The following IGF1R variants were observed in gnomAD, a reference collection of about 807,000 sequenced individuals.
IGF1R encodes the protein insulin like growth factor 1 receptor, also known as insulin-like growth factor 1 receptor.
IGF1R carries 44 observed loss-of-function variants against 144.6 expected under a neutral mutation model. The observed-to-expected ratio is 0.30, with a 90% CI of 0.24 to 0.39. The LOEUF is 0.39. IGF1R is among the 10% of genes least tolerant of loss of function. The probability of loss-of-function intolerance (pLI) is 1.00; values close to 1 mark genes in which losing one functional copy is unlikely to be tolerated. For synonymous variants in IGF1R, 795 were observed against 722.8 expected (o/e 1.10, Z -1.60); for missense variants, 1,355 against 1,833.7 (o/e 0.74, Z 4.77).
At chr15:98,949,834 G>A (rs1048033885) in intron 20 of IGF1R, among the ~76,000 whole-genome samples, 5 of 152,254 alleles carry the variant, frequency 3.3e-5, no homozygotes, top group South Asian at 4.2e-4. Flanking sequence ...GTCCGTGGAC[G>A]GTGCTGTTTT....
chr15:98,913,789 CCTTTAT>C (rs2015125202), intron 8 of IGF1R, among the ~76,000 whole-genome samples: 1 of 152,174 alleles, frequency 6.6e-6, no homozygotes, highest in Non-Finnish European at 1.5e-5. Context: ...GTTCCTCCTT[CCTTTAT>C]CTTTAGGTTC....
rs552039520 is a variant in IGF1R at position 98,946,051 on chromosome 15, C to T, written c.3588-2523C>T. 2.4e-4 allele frequency among the ~76,000 whole-genome samples: 36 copies of T among 151,984 alleles called. 1 individual carries two copies. In the East Asian group the frequency reaches 6.6e-3, roughly 28 times the overall value. On this transcript the variant is annotated intron_variant, in intron 19 of 20. Transcript: ENST00000650285. ...ATGACGACGATGACAGCGTCGTCGT[C>T]GTCCTGGTCCTGGAAGGATAAAGTC...
intron 1 of IGF1R, among the ~76,000 whole-genome samples, chr15:98,699,191 G>A (rs757308027): frequency 9.2e-5 from 14 of 152,246 alleles, no homozygotes; most frequent in Non-Finnish European, 1.9e-4. Context: ...CCATCCACTG[G>A]CTCTACAGTC....
Position 98,842,755 on chromosome 15 carries a change from G to A in IGF1R, c.641-48570G>A, listed in dbSNP as rs1183470755. On this transcript the variant is annotated intron_variant, in intron 2 of 20. Transcript: ENST00000650285. ...AGAACAATTTTGACAAGAACTCTTAGGATGCAACTTGTAGAGTGATTTTTA... is the reference window on the plus strand; with the variant it reads ...AGAACAATTTTGACAAGAACTCTTAAGATGCAACTTGTAGAGTGATTTTTA... Among the ~76,000 whole-genome samples the A allele has an allele frequency of 5.3e-5, 8 of 152,292 alleles. No homozygotes were observed. The East Asian group carries it at 1.4e-3, about 26-fold the overall frequency.
chr15:98,712,308 C>T (rs1217101193), intron 2 of IGF1R, among the ~76,000 whole-genome samples: 3 of 152,192 alleles, frequency 2.0e-5, no homozygotes, highest in African/African-American at 4.8e-5. Context: ...CAGACCACCA[C>T]GAGCATTTCA....
rs752236741 is a variant in IGF1R, at chr15:98,908,835, G to C, written c.1398G>C (p.Thr466=). Residue 466 remains threonine, a synonymous_variant, in exon 6 of 21, where the codon ACG becomes ACC. Transcript: ENST00000650285. ...AAATTTACCGCATGGAGGAAGTGAC[G>C]GGGACTAAAGGGCGCCAAAGCAAAG... is the stretch of plus-strand genomic sequence containing the variant. ...VSEIYRMEEV[T]GTKGRQSKGD... The C allele has an allele frequency of 6.2e-7, 1 of 1,614,118 alleles. No homozygotes were observed. Among genetic ancestry groups the C allele is most frequent in the Non-Finnish European group, 8.5e-7 (1 of 1,180,008 alleles).
In IGF1R at chr15:98,924,565, A is replaced by G. The variant is rs1567202482; in HGVS notation, c.2663A>G (p.Tyr888Cys). The G allele has an allele frequency of 6.2e-7, 1 of 1,614,138 alleles. No homozygotes were observed. Among genetic ancestry groups the G allele is most frequent in the East Asian group, 2.2e-5 (1 of 44,890 alleles). ...ECVSRQEYRK[Y>C]GGAKLNRLNP... ...GTGTCCAGACAGGAATACAGGAAGT[A>G]TGGAGGGGCCAAGCTAAACCGGCTA... The change falls in exon 13 of 21, where the codon TAT becomes TGT. Residue 888 changes from tyrosine to cysteine, a missense_variant. By Grantham distance (194) the Tyr-to-Cys change is radical. This residue lies in a region of IGF1R where 880 missense variants were observed against 1,202.7 expected (regional missense o/e 0.73). Transcript: ENST00000650285.
rs139086481 is a variant in IGF1R at position 98,793,002 on chromosome 15, A to G, written c.640+84895A>G. On this transcript the variant is annotated intron_variant, in intron 2 of 20. Transcript: ENST00000650285. ...TGGGTTGTTTTTTTTCTTCCTCCTGAAAAGCTCTGGTCTGTCCTCTGCTGA... is the reference window on the plus strand; with the variant it reads ...TGGGTTGTTTTTTTTCTTCCTCCTGGAAAGCTCTGGTCTGTCCTCTGCTGA... 6.5e-3 allele frequency among the ~76,000 whole-genome samples: 991 copies of G among 152,170 alleles called. 13 individuals carry two copies. The highest frequency in any genetic ancestry group is 0.023 in the African/African-American group (942 of 41,508).
Position 98,701,480 on chromosome 15 carries a change from G to T in IGF1R, c.95-6082G>T, listed in dbSNP as rs550769537. 2.0e-5 allele frequency among the ~76,000 whole-genome samples: 3 copies of T among 151,974 alleles called. No individual in the cohort carries two copies. The South Asian group carries it at 6.2e-4, about 32-fold the overall frequency. On this transcript the variant is annotated intron_variant, in intron 1 of 20. Transcript: ENST00000650285. Reference sequence around the variant, plus strand: ...GCCTCCCAAGTAGCTGGGACTACAGGTGCCCGCCACCACACCCGGCTAATT... The same window carrying T: ...GCCTCCCAAGTAGCTGGGACTACAGTTGCCCGCCACCACACCCGGCTAATT...
At chr15:98,769,990 C>G (rs1318628733) in intron 2 of IGF1R, among the ~76,000 whole-genome samples, 2 of 152,114 alleles carry the variant, frequency 1.3e-5, no homozygotes, top group Admixed American at 6.6e-5. Context: ...CTGTGGTCTT[C>G]GGTTGCTTCC....
At chr15:98,944,572 G>A (rs2016483267) in intron 19 of IGF1R, among the ~76,000 whole-genome samples, 1 of 152,198 alleles carries the variant, frequency 6.6e-6, no homozygotes, top group South Asian at 2.1e-4. Context: ...TCAAAAGAAT[G>A]GAAATGATTT....
chr15:98,867,581 T>A (rs1280404169), intron 2 of IGF1R, among the ~76,000 whole-genome samples: 2 of 152,168 alleles, frequency 1.3e-5, no homozygotes, highest in Non-Finnish European at 2.9e-5. Context: ...ATGACGTGAA[T>A]CCTTACCTCT....
Position 98,700,435 on chromosome 15 carries a change from G to C in IGF1R, c.95-7127G>C, listed in dbSNP as rs45542436. 6.4e-4 allele frequency among the ~76,000 whole-genome samples: 98 copies of C among 152,290 alleles called. 1 individual carries two copies. In the East Asian group the frequency reaches 0.011, roughly 18 times the overall value. On this transcript the variant is annotated intron_variant, in intron 1 of 20. Coordinates refer to ENST00000650285, the MANE Select transcript of IGF1R (RefSeq NM_000875.5). ...GACAGGTGGTGTGGTGGGTTATTCA[G>C]TTCTTTCCTAGGGCAGTGGGTCTCA...
chr15:98,680,527 A>G (rs1394757234), intron 1 of IGF1R, among the ~76,000 whole-genome samples: 2 of 151,800 alleles, frequency 1.3e-5, no homozygotes, highest in African/African-American at 2.4e-5. Context: ...CGGCCTCCCA[A>G]AGTGCTGGGA....
At chr15:98,800,192 A>G (rs1231548179) in intron 2 of IGF1R, among the ~76,000 whole-genome samples, 1 of 151,560 alleles carries the variant, frequency 6.6e-6, no homozygotes, top group Non-Finnish European at 1.5e-5. Flanking sequence ...GTGATAAAAG[A>G]TGCTGGGCTG....
At chr15:98,934,620 G>A (rs1387072529) in intron 15 of IGF1R, among the ~76,000 whole-genome samples, 2 of 152,056 alleles carry the variant, frequency 1.3e-5, no homozygotes, top group Non-Finnish European at 2.9e-5. Context: ...TCAGAGATCT[G>A]AAATACTAGT....
At chr15:98,776,441 C>T (rs1265797378) in intron 2 of IGF1R, among the ~76,000 whole-genome samples, 2 of 152,146 alleles carry the variant, frequency 1.3e-5, no homozygotes, top group African/African-American at 2.4e-5. Flanking sequence ...GCGCCTTGGC[C>T]TCCCAAAGTG....
intron 2 of IGF1R, among the ~76,000 whole-genome samples, chr15:98,865,627 CT>C (rs1250005920): frequency 2.6e-5 from 4 of 152,168 alleles, no homozygotes; most frequent in Non-Finnish European, 5.9e-5. Flanking sequence ...GTTTTTTTCT[CT>C]TTTAATTCTT....
intron 11 of IGF1R, 136 bp from the exon 12 acceptor site, chr15:98,923,739 GC>G (rs768753623): frequency 1.6e-5 from 12 of 737,112 alleles, no homozygotes; most frequent in African/African-American, 3.5e-5. Context: ...GTGGATGGGG[GC>G]GTTATTCTCA....
Sources: gnomAD v4.1 joint callset for allele counts (sites outside exome capture counted in the v4.1 genomes callset) on GRCh38, gnomAD v4.1.1 for gene constraint, gnomAD v4.1.1 regional missense constraint, MANE v1.5 for transcripts, NCBI Gene and HGNC (gene_info 2026-07-23, HGNC 2026-07-21) for gene names.